Variants in E2F7 observed in about 807,000 individuals in gnomAD.
E2F7 encodes the protein transcription factor E2F7.
E2F7 carries 35 observed loss-of-function variants against 81.1 expected under a neutral mutation model. The ratio of observed to expected loss-of-function variants is 0.43; its 90% confidence interval spans 0.33 to 0.57. The LOEUF (loss-of-function observed/expected upper bound fraction) is 0.57, where lower values mean the gene tolerates loss of function less well. Among genes scored for constraint, E2F7 ranks in the 20% least tolerant of loss-of-function variants. The pLI is 0.04. For synonymous variants in E2F7, 416 were observed against 416.2 expected (o/e 1.00, Z 0.01); for missense variants, 961 against 1,093.7 (o/e 0.88, Z 1.71).
At chr12:77,063,490 A>T (rs1592569667) in intron 2 of E2F7, among the ~76,000 whole-genome samples, 1 of 152,204 alleles carries the variant, frequency 6.6e-6, no homozygotes, top group African/African-American at 2.4e-5. Flanking sequence ...TGGGGGTGGA[A>T]AACATAAACA....
Position 77,056,888 on chromosome 12 carries a change from C to CTTT in E2F7, c.94-761_94-759dup, listed in dbSNP as rs35865722. Among the ~76,000 whole-genome samples the CTTT allele has an allele frequency of 1.4e-3, 197 of 145,824 alleles. 1 individual carries two copies. The highest frequency in any genetic ancestry group is 3.7e-3 in the Admixed American group (54 of 14,614). On this transcript the variant is annotated intron_variant, in intron 2 of 12. Transcript: ENST00000322886. The stretch of plus-strand genomic sequence containing the variant: ...TTGCTACTGAGGTTTATTTTTCTTA[C>CTTT]TTTTTTTTTTTTTTTAAAAGATAGG...
At position 77,033,220 on chromosome 12, in the gene E2F7, CT is replaced by C. The variant is rs202239302; in HGVS notation, c.1310-99del. 8.0e-3 allele frequency: 8,858 copies of C among 1,109,826 alleles called. 43 individuals are homozygous for C. The highest frequency in any genetic ancestry group is 9.3e-3 in the Non-Finnish European group (7,148 of 772,502). 68.7% of individuals were successfully genotyped at this position (1,109,826 alleles called of 1,614,324 possible). A position where few individuals can be genotyped will look rare whatever the true frequency, so the allele number is the denominator to read the frequency against. On this transcript the variant is annotated intron_variant, in intron 8 of 12. Transcript: ENST00000322886. ...CTAGCTGAGAATTCATTATTCTCAGCTCAAAGATTACTCAAATCTGTTATGG... is the reference window on the plus strand; with the variant it reads ...CTAGCTGAGAATTCATTATTCTCAGCCAAAGATTACTCAAATCTGTTATGG...
chr12:77,054,008 A>G (rs1399649581), intron 3 of E2F7, among the ~76,000 whole-genome samples: 1 of 152,198 alleles, frequency 6.6e-6, no homozygotes, highest in Non-Finnish European at 1.5e-5. Context: ...GGTATAAAAA[A>G]GTCTGTTTTA....
chr12:77,041,263 C>A (rs1592559874), intron 7 of E2F7, among the ~76,000 whole-genome samples: 1 of 152,194 alleles, frequency 6.6e-6, no homozygotes, highest in East Asian at 1.9e-4. Context: ...GTGATCTCGG[C>A]TCACTGCAAC....
At chr12:77,044,518 G>A in intron 6 of E2F7, 119 bp downstream of exon 6, 2 of 1,281,438 alleles carry the variant, frequency 1.6e-6, no homozygotes, top group Non-Finnish European at 2.2e-6. Flanking sequence ...ATGAATGCAG[G>A]AAAGGAGTAT....
chr12:77,059,219 T>G (rs764718116), intron 2 of E2F7, among the ~76,000 whole-genome samples: 3 of 152,176 alleles, frequency 2.0e-5, no homozygotes, highest in Non-Finnish European at 2.9e-5. Context: ...ATTACACCTC[T>G]ACATCAAGAA....
At chr12:77,041,105 G>A (rs1356021583) in intron 7 of E2F7, among the ~76,000 whole-genome samples, 1 of 152,192 alleles carries the variant, frequency 6.6e-6, no homozygotes, top group Admixed American at 6.5e-5. Flanking sequence ...TTTCTCTCAT[G>A]TCAAATCAGA....
chr12:77,033,243 AT>A, intron 8 of E2F7, 121 bp from the exon 9 acceptor site: 1 of 900,486 alleles, frequency 1.1e-6, no homozygotes, highest in African/African-American at 1.7e-5. Flanking sequence ...CAAATCTGTT[AT>A]GGTTTTGATT....
intron 4 of E2F7, among the ~76,000 whole-genome samples, chr12:77,047,109 C>G (rs1954949667): frequency 6.6e-6 from 1 of 152,146 alleles, no homozygotes; most frequent in Non-Finnish European, 1.5e-5. Flanking sequence ...CCGCAGCTCA[C>G]TACTCACTTT....
chr12:77,055,660 G>A (rs1320962171), intron 3 of E2F7, among the ~76,000 whole-genome samples, 195 bp downstream of exon 3: 2 of 152,100 alleles, frequency 1.3e-5, no homozygotes, highest in Non-Finnish European at 2.9e-5. Context: ...GGTCCAGGGA[G>A]TATCATACAG....
At chr12:77,046,425 C>T in intron 4 of E2F7, 97 bp from the exon 5 acceptor site, 1 of 1,340,970 alleles carries the variant, frequency 7.5e-7, no homozygotes, top group South Asian at 1.5e-5. Context: ...ACTACTTTGT[C>T]TGATCCCCAA....
chr12:77,037,506 T>C (rs1174768115), intron 7 of E2F7, among the ~76,000 whole-genome samples: 1 of 152,178 alleles, frequency 6.6e-6, no homozygotes, highest in African/African-American at 2.4e-5. Flanking sequence ...TTGACAACAA[T>C]GGCACAAAGG....
At chr12:77,042,960 G>C in intron 7 of E2F7, 105 bp downstream of exon 7, 1 of 1,545,532 alleles carries the variant, frequency 6.5e-7, no homozygotes, top group Non-Finnish European at 8.8e-7. Flanking sequence ...TTTTGTATGT[G>C]ACATGGGAAA....
chr12:77,025,951 G>A lies in E2F7; in HGVS notation c.2172C>T (p.Gly724=). Residue 724 remains glycine (G), a synonymous_variant, in exon 12 of 13, where the codon GGC becomes GGT. Transcript: ENST00000322886. The part of the protein sequence containing the change: ...GLNGFNVLLS[G]SQTPPTVGPS... ...GGCCCACAGTAGGGGGGGTTTGACT[G>A]CCAGATAAAAGTACATTGAAACCAT... The A allele has an allele frequency of 6.2e-7, 1 of 1,612,340 alleles. No individual in the cohort carries two copies. Among genetic ancestry groups the A allele is most frequent in the Non-Finnish European group, 8.5e-7 (1 of 1,179,198 alleles).
Position 77,025,798 on chromosome 12 carries a change from G to A in E2F7, c.2325C>T (p.Leu775=), listed in dbSNP as rs1954753195. The A allele has an allele frequency of 1.9e-6, 3 of 1,614,098 alleles. No individual in the cohort carries two copies. The highest frequency in any genetic ancestry group is 4.5e-5 in the East Asian group (2 of 44,866). ...PGPVSSTLGA[L]PNTGPVNFSL... ...TGAAATTCACAGGTCCTGTGTTTGG[G>A]AGAGCACCAAGAGTAGAAGAAACCG... The change falls in exon 12 of 13, where the codon CTC becomes CTT. Residue 775 remains leucine, a synonymous_variant. Coordinates refer to ENST00000322886, the MANE Select transcript of E2F7 (RefSeq NM_203394.3).
chr12:77,028,912 T>G (rs1162156937), intron 10 of E2F7, among the ~76,000 whole-genome samples: 1 of 152,244 alleles, frequency 6.6e-6, no homozygotes, highest in Non-Finnish European at 1.5e-5. Context: ...TCATGTCCTG[T>G]GCATTGATAG....
rs908761378 is a variant in E2F7 at position 77,045,987 on chromosome 12, C to T, written c.829+51G>A. The T allele has an allele frequency of 3.8e-6, 6 of 1,576,896 alleles. No individual in the cohort carries two copies. The African/African-American group carries it at 6.8e-5, about 18-fold the overall frequency. On this transcript the variant is annotated intron_variant, in intron 5 of 12. Coordinates refer to ENST00000322886, the MANE Select transcript of E2F7 (RefSeq NM_203394.3). ...CTGAGCAGTGAATCTGCAGAAGAGA[C>T]CATCACTTGCTCTTTCTCTGCCATT... is the stretch of plus-strand genomic sequence containing the variant.
chr12:77,059,960 C>CA (rs59663589), intron 2 of E2F7, among the ~76,000 whole-genome samples: 12,862 of 76,822 alleles, frequency 0.17, 1,295 homozygotes, highest in East Asian at 0.51. Context: ...GATTCTGTCT[C>CA]AAAAAAAAAA....
chr12:77,031,189 C>T (rs1167952867), intron 9 of E2F7, among the ~76,000 whole-genome samples: 1 of 152,108 alleles, frequency 6.6e-6, no homozygotes, highest in Non-Finnish European at 1.5e-5. Context: ...CGCCACTGCA[C>T]TCCAGCCTGG....
Sources: allele counts gnomAD v4.1 joint callset (sites outside exome capture counted in the v4.1 genomes callset), GRCh38; gene constraint gnomAD v4.1.1; transcripts MANE v1.5; gene names NCBI Gene and HGNC (gene_info 2026-07-23, HGNC 2026-07-21).